EXOC6B: variants seen among roughly 807,000 people sequenced by gnomAD.
EXOC6B encodes the protein exocyst complex component 6B, also known as SEC15 homolog B.
In EXOC6B, 54 loss-of-function variants were observed where a neutral mutation model predicts 113.5. That is an observed-to-expected ratio of 0.48 (90% CI 0.38 to 0.60). The LOEUF is 0.60. Among genes scored for constraint, EXOC6B ranks in the 20% least tolerant of loss-of-function variants. The probability of loss-of-function intolerance (pLI) is 0.00; values close to 1 mark genes in which losing one functional copy is unlikely to be tolerated. For synonymous variants in EXOC6B, 357 were observed against 339.0 expected, an observed-to-expected ratio of 1.05 and a Z score of -0.58; for missense variants, 797 against 977.5, an observed-to-expected ratio of 0.82 and a Z score of 2.46.
intron 1 of EXOC6B, among the ~76,000 whole-genome samples, chr2:72,806,407 C>G (rs1411284640): frequency 6.6e-6 from 1 of 152,132 alleles, no homozygotes; most frequent in Non-Finnish European, 1.5e-5. Flanking sequence ...CATGTACCAC[C>G]TTTTCTTTAT....
intron 1 of EXOC6B, among the ~76,000 whole-genome samples, chr2:72,791,013 G>A (rs1458222425): frequency 1.3e-5 from 2 of 152,104 alleles, no homozygotes; most frequent in African/African-American, 2.4e-5. Flanking sequence ...GAGCAATAAA[G>A]TTCCAGTATT....
chr2:72,649,530 C>A (rs1674009682), intron 6 of EXOC6B, among the ~76,000 whole-genome samples: 1 of 148,224 alleles, frequency 6.7e-6, no homozygotes, highest in South Asian at 2.1e-4. Flanking sequence ...TGTGCAGCAG[C>A]AAAAGAAAAA....
chr2:72,485,869 A>G (rs1430691624), intron 16 of EXOC6B, among the ~76,000 whole-genome samples: 3 of 152,230 alleles, frequency 2.0e-5, no homozygotes, highest in Non-Finnish European at 4.4e-5. Flanking sequence ...ACTACATCAC[A>G]GTAGTGCCCT....
intron 6 of EXOC6B, among the ~76,000 whole-genome samples, chr2:72,623,345 T>G (rs1671862333): frequency 6.6e-6 from 1 of 152,136 alleles, no homozygotes; most frequent in Non-Finnish European, 1.5e-5. Flanking sequence ...AAATCAGAAT[T>G]GACACTTGTT....
intron 20 of EXOC6B, among the ~76,000 whole-genome samples, chr2:72,301,723 A>G (rs1204310837): frequency 6.6e-6 from 1 of 151,518 alleles, no homozygotes; most frequent in Non-Finnish European, 1.5e-5. Flanking sequence ...TGCTATTTCT[A>G]TTTTGTCTCT....
At chr2:72,508,017 C>T (rs1476173588) in intron 11 of EXOC6B, among the ~76,000 whole-genome samples, 2 of 148,794 alleles carry the variant, frequency 1.3e-5, no homozygotes, top group East Asian at 3.9e-4. Flanking sequence ...TAACTTTTTT[C>T]AGGAAACAAA....
At chr2:72,405,899 C>T (rs978466470) in intron 18 of EXOC6B, among the ~76,000 whole-genome samples, 1 of 152,172 alleles carries the variant, frequency 6.6e-6, no homozygotes, top group Admixed American at 6.5e-5. Context: ...TTAAAAGACA[C>T]AGACTGGCAA....
chr2:72,313,144 C>A (rs895154053), intron 20 of EXOC6B, among the ~76,000 whole-genome samples: 3 of 151,982 alleles, frequency 2.0e-5, no homozygotes, highest in Non-Finnish European at 4.4e-5. Context: ...CATTCAAAAA[C>A]AATAGGGGTA....
At chr2:72,424,407 T>C (rs1312455596) in intron 18 of EXOC6B, among the ~76,000 whole-genome samples, 1 of 152,150 alleles carries the variant, frequency 6.6e-6, no homozygotes, top group African/African-American at 2.4e-5. Flanking sequence ...TAGCATTCTT[T>C]TAATTTTTTC....
chr2:72,820,852 G>T (rs1686540973), intron 1 of EXOC6B, among the ~76,000 whole-genome samples: 1 of 151,916 alleles, frequency 6.6e-6, no homozygotes. Flanking sequence ...ATGAATCACA[G>T]ATCTAAATGT....
At position 72,807,964 on chromosome 2, in the gene EXOC6B, T is replaced by G. The variant is rs114373471; in HGVS notation, c.113+17834A>C. Among the ~76,000 whole-genome samples the G allele has an allele frequency of 7.4e-3, 1,132 of 152,348 alleles. 15 individuals are homozygous for G. The highest frequency in any genetic ancestry group is 0.026 in the African/African-American group (1,087 of 41,580). On this transcript the variant is annotated intron_variant, in intron 1 of 21. Transcript: ENST00000272427. ...ACTAACTAAAAGATTATAACTGGAT[T>G]GTCTGTAACACAAAGGATAAACGCT... is the stretch of plus-strand genomic sequence containing the variant.
chr2:72,660,281 C>T (rs925804871), intron 6 of EXOC6B, among the ~76,000 whole-genome samples: 1 of 152,020 alleles, frequency 6.6e-6, no homozygotes, highest in African/African-American at 2.4e-5. Flanking sequence ...TTTCTAGTGA[C>T]ATCTGTAGAA....
At position 72,702,229 on chromosome 2, in the gene EXOC6B, T is replaced by A. The variant is rs1290582028; in HGVS notation, c.669+15874A>T. Among the ~76,000 whole-genome samples, 5 of 151,806 alleles carry A rather than the reference T, an allele frequency of 3.3e-5. No individual in the cohort carries two copies. In the East Asian group the frequency reaches 9.7e-4, roughly 30 times the overall value. On this transcript the variant is annotated intron_variant, in intron 6 of 21. Coordinates refer to ENST00000272427, the MANE Select transcript of EXOC6B (RefSeq NM_015189.3). Reference sequence around the variant, plus strand: ...GAATGATGATTTCCAATTTCATCCATGTCCCTACAAAGGACATGAACTCAT... The same window carrying A: ...GAATGATGATTTCCAATTTCATCCAAGTCCCTACAAAGGACATGAACTCAT...
At chr2:72,183,364 T>A (rs1678213418) in intron 21 of EXOC6B, among the ~76,000 whole-genome samples, 1 of 152,326 alleles carries the variant, frequency 6.6e-6, no homozygotes, top group Admixed American at 6.5e-5. Context: ...CAGGCTGTAA[T>A]ACATAGCATT....
chr2:72,764,717 A>G (rs1412219654), intron 1 of EXOC6B, among the ~76,000 whole-genome samples: 1 of 152,132 alleles, frequency 6.6e-6, no homozygotes, highest in Non-Finnish European at 1.5e-5. Context: ...TGTGGAAATG[A>G]ATTTTACACT....
chr2:72,216,404 A>G (rs1426901642), intron 20 of EXOC6B, among the ~76,000 whole-genome samples: 1 of 152,258 alleles, frequency 6.6e-6, no homozygotes, highest in Admixed American at 6.5e-5. Context: ...TCAAAACAAC[A>G]GATGCTGGAG....
Position 72,480,604 on chromosome 2 carries a change from G to A in EXOC6B, c.1800+12C>T. 3 of 1,572,608 alleles carry A rather than the reference G, an allele frequency of 1.9e-6. No individual in the cohort carries two copies. The highest frequency in any genetic ancestry group is 2.6e-6 in the Non-Finnish European group (3 of 1,157,184). On this transcript the variant is annotated intron_variant, in intron 17 of 21. Coordinates refer to ENST00000272427, the MANE Select transcript of EXOC6B (RefSeq NM_015189.3). Reference sequence around the variant, plus strand: ...CCAGAAGCAGTTCCACAGTACTGTAGGGCCCTCTCACCTTAAAAGTTGTGG... The same window carrying A: ...CCAGAAGCAGTTCCACAGTACTGTAAGGCCCTCTCACCTTAAAAGTTGTGG...
In EXOC6B at chr2:72,210,036, A is replaced by G. The variant is rs114993413; in HGVS notation, c.2197-25849T>C. Among the ~76,000 whole-genome samples the G allele has an allele frequency of 3.7e-4, 56 of 152,292 alleles. 1 individual carries two copies. Among genetic ancestry groups the G allele is most frequent in the African/African-American group, 1.3e-3 (56 of 41,554 alleles). ...TTTTTAAAAAAGAATTATAAATACTAAGACTTTCTTTTGGTGGGTATCTGT... is the reference window on the plus strand; with the variant it reads ...TTTTTAAAAAAGAATTATAAATACTGAGACTTTCTTTTGGTGGGTATCTGT... On this transcript the variant is annotated intron_variant, in intron 20 of 21. Transcript: ENST00000272427.
intron 20 of EXOC6B, among the ~76,000 whole-genome samples, chr2:72,221,980 T>C (rs927622942): frequency 6.6e-6 from 1 of 152,156 alleles, no homozygotes; most frequent in Non-Finnish European, 1.5e-5. Context: ...GAGGTGAAAC[T>C]GGGTAAGGGC....
Sources: allele counts gnomAD v4.1 joint callset (sites outside exome capture counted in the v4.1 genomes callset), GRCh38; gene constraint gnomAD v4.1.1; transcripts MANE v1.5; gene names NCBI Gene and HGNC (gene_info 2026-07-23, HGNC 2026-07-21).